SEPTIN3: variants seen among roughly 807,000 people sequenced by gnomAD.
The protein encoded by SEPTIN3 is neuronal-specific septin-3.
SEPTIN3 carries 15 observed loss-of-function variants against 45.1 expected under a neutral mutation model. The ratio of observed to expected loss-of-function variants is 0.33; its 90% confidence interval spans 0.22 to 0.51. The LOEUF (loss-of-function observed/expected upper bound fraction) is 0.51. Ranked by LOEUF, SEPTIN3 falls within the 20% of genes least tolerant of loss-of-function variation. The pLI, the probability that SEPTIN3 is intolerant of heterozygous loss-of-function variation, is 0.97. For synonymous variants in SEPTIN3, 148 were observed against 164.8 expected, an observed-to-expected ratio of 0.90 and a Z score of 0.78; for missense variants, 289 against 457.2, an observed-to-expected ratio of 0.63 and a Z score of 3.35.
chr22:41,980,421 C>A (rs2078103243), intron 2 of SEPTIN3, among the ~76,000 whole-genome samples: 1 of 152,158 alleles, frequency 6.6e-6, no homozygotes. Flanking sequence ...CAGGCGTGAG[C>A]CACCGCGCCC....
At position 41,995,220 on chromosome 22, in the gene SEPTIN3, G is replaced by A. The variant is rs1326057835; in HGVS notation, c.2505+506G>A. ...GCAGTGGAGCTAGACCTGAGTAGGG[G>A]GCAGGGAGTTCAGGACAACCCTCCT... On this transcript the variant is annotated intron_variant, in intron 11 of 11. Transcript: ENST00000644076. The A allele has an allele frequency of 5.0e-6, 5 of 997,422 alleles. No individual in the cohort carries two copies. The East Asian group carries it at 5.2e-4, about 104-fold the overall frequency. The allele number at this position is 997,422 out of a possible 1,614,324, so 61.8% of individuals were successfully genotyped here.
chr22:41,980,041 T>A (rs1448807415), intron 2 of SEPTIN3, among the ~76,000 whole-genome samples: 1 of 151,878 alleles, frequency 6.6e-6, no homozygotes, highest in Non-Finnish European at 1.5e-5. Flanking sequence ...CTTTAACCAA[T>A]GCTTTCACAT....
chr22:41,989,126 CAAAAA>C (rs71184854), intron 6 of SEPTIN3, among the ~76,000 whole-genome samples: 1 of 88,590 alleles, frequency 1.1e-5, no homozygotes, highest in Non-Finnish European at 2.0e-5. Context: ...GACCCTGTCT[CAAAAA>C]AAAAAAAAAA....
Position 41,987,610 on chromosome 22 carries a change from C to T in SEPTIN3, c.1908-12C>T, listed in dbSNP as rs1462665166. The stretch of plus-strand genomic sequence containing the variant: ...TCTTCTGATGCATCTATCTACTTTC[C>T]CTCCCCATCAGCTGGGAGCCCATTG... On this transcript the variant is annotated splice_polypyrimidine_tract_variant and intron_variant, in intron 5 of 11. Coordinates refer to ENST00000644076, the MANE Select transcript of SEPTIN3 (RefSeq NM_001363845.2). The T allele has an allele frequency of 8.1e-6, 13 of 1,603,420 alleles. No individual in the cohort carries two copies. Among genetic ancestry groups the T allele is most frequent in the Non-Finnish European group, 1.1e-5 (13 of 1,171,426 alleles).
intron 5 of SEPTIN3, 126 bp from the exon 6 acceptor site, chr22:41,987,496 G>T: frequency 8.0e-7 from 1 of 1,254,506 alleles, no homozygotes; most frequent in South Asian, 1.4e-5. Context: ...GAATCTGGCA[G>T]CAGGTATCCT....
At chr22:41,985,627 A>G (rs183485579) in intron 3 of SEPTIN3, 118 of 191,976 alleles carry the variant, frequency 6.1e-4, no homozygotes, top group South Asian at 3.5e-3. Flanking sequence ...AAGTCATTCT[A>G]TTTTTCCTTT....
At position 41,981,682 on chromosome 22, in the gene SEPTIN3, G is replaced by A; in HGVS notation, c.1542G>A (p.Glu514=). Residue 514 remains glutamate (E), a synonymous_variant, in exon 3 of 12, where the codon GAG becomes GAA. Coordinates refer to ENST00000644076, the MANE Select transcript of SEPTIN3 (RefSeq NM_001363845.2). ...PETRTDAAMS[E]LVPEPRPKPA... is the part of the protein sequence containing the mutation. The stretch of plus-strand genomic sequence containing the variant: ...CCAGGACGGACGCAGCCATGTCAGA[G>A]CTGGTGCCTGAGCCCAGGCCTAAGC... 1 of 1,613,866 alleles carries A rather than the reference G, an allele frequency of 6.2e-7. No individual in the cohort carries two copies. Among genetic ancestry groups the A allele is most frequent in the Non-Finnish European group, 8.5e-7 (1 of 1,180,026 alleles).
In SEPTIN3 at chr22:41,989,692, G is replaced by A. The variant is rs79906803; in HGVS notation, c.2163+8G>A. On this transcript the variant is annotated splice_region_variant and intron_variant, in intron 7 of 11. Transcript: ENST00000644076. Reference sequence around the variant, plus strand: ...TCTGAATTCAAGCAAAGGGTGAGAAGGCCCCCTGTCTTCTTTTCCTGTTCC... The same window carrying A: ...TCTGAATTCAAGCAAAGGGTGAGAAAGCCCCCTGTCTTCTTTTCCTGTTCC... 50 of 1,551,830 alleles carry A rather than the reference G, an allele frequency of 3.2e-5. No homozygotes were observed. The South Asian group carries it at 5.0e-4, about 16-fold the overall frequency.
intron 2 of SEPTIN3, among the ~76,000 whole-genome samples, chr22:41,978,336 A>G (rs1282678350): frequency 6.6e-6 from 1 of 152,214 alleles, no homozygotes. Flanking sequence ...ACAGAGATCA[A>G]TAAGACACGG....
At chr22:41,977,013 C>T (rs1256940355) in intron 2 of SEPTIN3, 4 of 1,580,140 alleles carry the variant, frequency 2.5e-6, no homozygotes, top group African/African-American at 1.4e-5. Context: ...CTCAGCCTTG[C>T]AGCCCCGCGC....
At chr22:41,982,508 CAAAACAA>C (rs912785982) in intron 3 of SEPTIN3, among the ~76,000 whole-genome samples, 15 of 151,378 alleles carry the variant, frequency 9.9e-5, no homozygotes, top group South Asian at 4.2e-4. Flanking sequence ...AACTCCGCCT[CAAAACAA>C]AAAACAAAAA....
At chr22:41,991,441 G>T in intron 7 of SEPTIN3, 132 bp from the exon 8 acceptor site, 1 of 705,872 alleles carries the variant, frequency 1.4e-6, no homozygotes, top group Non-Finnish European at 2.6e-6. Flanking sequence ...GGGTCTCAGA[G>T]TTCAGAGATG....
intron 2 of SEPTIN3, among the ~76,000 whole-genome samples, chr22:41,980,078 T>G (rs998288519): frequency 1.3e-5 from 2 of 150,944 alleles, no homozygotes; most frequent in African/African-American, 4.9e-5. Context: ...CCTACAGACC[T>G]GAAAGGGGCT....
chr22:41,985,876 A>C, intron 3 of SEPTIN3, 108 bp from the exon 4 acceptor site: 1 of 1,348,998 alleles, frequency 7.4e-7, no homozygotes. Flanking sequence ...TGGTCAGACA[A>C]GGTGTGGCCT....
chr22:41,974,480 A>C (rs1026519179), intron 2 of SEPTIN3, among the ~76,000 whole-genome samples: 2 of 151,674 alleles, frequency 1.3e-5, no homozygotes, highest in African/African-American at 4.9e-5. Flanking sequence ...CTGGCTAACA[A>C]GGTGAAACCC....
At position 41,969,506 on chromosome 22, in the gene SEPTIN3, C is replaced by G. The variant is rs147657033; in HGVS notation, c.-191C>G. 19 of 152,552 alleles carry G rather than the reference C, an allele frequency of 1.2e-4. No homozygotes were observed. Among genetic ancestry groups the G allele is most frequent in the African/African-American group, 3.9e-4 (16 of 41,462 alleles). The allele number at this position is 152,552 out of a possible 1,614,324, so 9.4% of individuals were successfully genotyped here. A position where few individuals can be genotyped will look rare whatever the true frequency, so the allele number is the denominator to read the frequency against. ...TGGGACAGTGAGCAGAGGGCTGGGC[C>G]CTGTGCCTGGGGACTGTGGCCTGGA... On this transcript the variant is annotated 5_prime_UTR_variant, in exon 1 of 12. Coordinates refer to ENST00000644076, the MANE Select transcript of SEPTIN3 (RefSeq NM_001363845.2).
chr22:41,996,087 G>A (rs55758879), intron 11 of SEPTIN3: 34,121 of 985,100 alleles, frequency 0.035, 660 homozygotes, highest in Non-Finnish European at 0.038. Flanking sequence ...CTTTTGTGCT[G>A]AAGCTAATCA....
intron 2 of SEPTIN3, among the ~76,000 whole-genome samples, chr22:41,980,274 A>C (rs58352706): frequency 0.016 from 2,485 of 151,614 alleles, 70 homozygotes; most frequent in African/African-American, 0.057. Flanking sequence ...AGTAGCTAGG[A>C]TTACAGGCGC....
Position 41,994,100 on chromosome 22 carries a change from G to A in SEPTIN3, c.2360-190G>A, listed in dbSNP as rs1342116229. On this transcript the variant is annotated intron_variant, in intron 9 of 11. Transcript: ENST00000644076. This position sits in a 1 kb window ranked among gnomAD's most constrained non-coding sequence, Gnocchi z 4.2. ...GAAGGATGTCGTGCCCATTGTAGCTGCTTAATATTTGTTCAATGAATCAAA... is the reference window on the plus strand; with the variant it reads ...GAAGGATGTCGTGCCCATTGTAGCTACTTAATATTTGTTCAATGAATCAAA... Among the ~76,000 whole-genome samples the A allele has an allele frequency of 6.6e-6, 1 of 152,142 alleles. No individual in the cohort carries two copies. Among genetic ancestry groups the A allele is most frequent in the East Asian group, 1.9e-4 (1 of 5,196 alleles).
Sources: gnomAD v4.1 joint callset for allele counts (sites outside exome capture counted in the v4.1 genomes callset) on GRCh38, gnomAD v4.1.1 for gene constraint, Gnocchi (gnomAD v3.1) non-coding constraint, MANE v1.5 for transcripts, NCBI Gene and HGNC (gene_info 2026-07-23, HGNC 2026-07-21) for gene names.